The following BMERB1 variants were observed in gnomAD, a reference collection of about 807,000 sequenced individuals.
BMERB1 encodes bMERB domain-containing protein 1.
BMERB1 carries 12 observed loss-of-function variants against 23.6 expected under a neutral mutation model. The observed-to-expected ratio is 0.51, with a 90% CI of 0.33 to 0.82. BMERB1 has a LOEUF of 0.82. BMERB1 is among the 40% of genes least tolerant of loss of function. The pLI is 0.03. For synonymous variants in BMERB1, 122 were observed against 96.6 expected (o/e 1.26, Z -1.54); for missense variants, 247 against 255.4 (o/e 0.97, Z 0.22).
At chr16:15,487,081 GAT>G in intron 1 of BMERB1, among the ~76,000 whole-genome samples, 1 of 152,262 alleles carries the variant, frequency 6.6e-6, no homozygotes, top group Middle Eastern at 3.4e-3. Flanking sequence ...GAATTTCTAT[GAT>G]AATGGGAAAA....
chr16:15,563,870 A>G (rs1474084651), intron 2 of BMERB1, among the ~76,000 whole-genome samples: 6 of 152,212 alleles, frequency 3.9e-5, no homozygotes, highest in African/African-American at 1.4e-4. Context: ...ACACAGATCC[A>G]AACTACATCA....
intron 4 of BMERB1, among the ~76,000 whole-genome samples, chr16:15,582,372 G>T (rs1444087371): frequency 6.6e-6 from 1 of 152,202 alleles, no homozygotes; most frequent in Non-Finnish European, 1.5e-5. Context: ...ATGCACTCTA[G>T]CCTGGGTGAC....
chr16:15,539,841 C>CAA (rs377514039), intron 2 of BMERB1, among the ~76,000 whole-genome samples: 5 of 120,282 alleles, frequency 4.2e-5, no homozygotes, highest in African/African-American at 1.5e-4. Flanking sequence ...GATTCCGTCT[C>CAA]AAAAAAAAAA....
In BMERB1 at chr16:15,584,120, A is replaced by G; in HGVS notation, c.502+882A>G. The stretch of plus-strand genomic sequence containing the variant: ...AAGTTTGAGAAATGCTGTTTACTTG[A>G]CCCTGTATTTGGAGAGTCCCAGTGT... On this transcript the variant is annotated intron_variant, in intron 5 of 5. Transcript: ENST00000300006. 5 of 698,736 alleles carry G rather than the reference A, an allele frequency of 7.2e-6. No homozygotes were observed. The South Asian group carries it at 7.4e-5, about 10-fold the overall frequency. 43.3% of individuals were successfully genotyped at this position (698,736 alleles called of 1,614,324 possible). A position where few individuals can be genotyped will look rare whatever the true frequency, so the allele number is the denominator to read the frequency against.
intron 1 of BMERB1, among the ~76,000 whole-genome samples, chr16:15,466,170 C>A (rs2051178419): frequency 6.6e-6 from 1 of 152,220 alleles, no homozygotes; most frequent in Admixed American, 6.5e-5. Flanking sequence ...TGCTATCCAA[C>A]TGTGACTCTA....
chr16:15,520,990 TC>T (rs1401933153), intron 2 of BMERB1, among the ~76,000 whole-genome samples: 1 of 152,028 alleles, frequency 6.6e-6, no homozygotes, highest in East Asian at 1.9e-4. Context: ...TCCTTGCTCC[TC>T]CCGAGTTCCT....
In BMERB1 at chr16:15,488,922, A is replaced by T. The variant is rs962806104; in HGVS notation, c.107-26383A>T. ...ATATGCAAAAAAAAAAAAAAAAAAAAAGGAATGTACTAACCGGGGTTTCTA... is the reference window on the plus strand; with the variant it reads ...ATATGCAAAAAAAAAAAAAAAAAAATAGGAATGTACTAACCGGGGTTTCTA... On this transcript the variant is annotated intron_variant, in intron 1 of 5. Coordinates refer to ENST00000300006, the MANE Select transcript of BMERB1 (RefSeq NM_033201.3). Among the ~76,000 whole-genome samples the T allele has an allele frequency of 1.8e-3, 266 of 150,666 alleles. 2 individuals are homozygous for T. The highest frequency in any genetic ancestry group is 5.2e-3 in the Admixed American group (79 of 15,160).
At chr16:15,517,760 GTGTGTGGATGTGTGTGGATGTGGA>G (rs2051782460) in intron 2 of BMERB1, among the ~76,000 whole-genome samples, 1 of 147,746 alleles carries the variant, frequency 6.8e-6, no homozygotes, top group Admixed American at 6.6e-5. Context: ...TTGTGTGGAT[GTGTGTGGATGTGTGTGGATGTGGA>G]TGTGTGGATG....
At chr16:15,474,389 G>T (rs1567460260) in intron 1 of BMERB1, among the ~76,000 whole-genome samples, 1 of 152,048 alleles carries the variant, frequency 6.6e-6, no homozygotes, top group Non-Finnish European at 1.5e-5. Context: ...TTTTGAGACA[G>T]GGTCTCACTC....
chr16:15,563,498 T>C (rs1343543560), intron 2 of BMERB1, among the ~76,000 whole-genome samples: 1 of 151,906 alleles, frequency 6.6e-6, no homozygotes, highest in African/African-American at 2.4e-5. Flanking sequence ...GGATTACAGG[T>C]ATGAGCCACC....
chr16:15,550,239 C>G (rs993633453), intron 2 of BMERB1, among the ~76,000 whole-genome samples: 1 of 151,988 alleles, frequency 6.6e-6, no homozygotes, highest in African/African-American at 2.4e-5. Flanking sequence ...CGCGCCCGGC[C>G]CAAAAGCACT....
At chr16:15,472,442 G>A (rs939420791) in intron 1 of BMERB1, among the ~76,000 whole-genome samples, 1 of 152,130 alleles carries the variant, frequency 6.6e-6, no homozygotes, top group Non-Finnish European at 1.5e-5. Context: ...CTGTTGTTTG[G>A]TGCATACACA....
chr16:15,445,314 C>T (rs574009998), intron 1 of BMERB1, among the ~76,000 whole-genome samples: 20 of 151,194 alleles, frequency 1.3e-4, no homozygotes, highest in Non-Finnish European at 2.6e-4. Flanking sequence ...GAGGTCAGTA[C>T]ATGATACATG....
chr16:15,529,047 C>T (rs1023798757), intron 2 of BMERB1, among the ~76,000 whole-genome samples: 2 of 146,320 alleles, frequency 1.4e-5, no homozygotes, highest in South Asian at 2.2e-4. Context: ...GTTTGTTTGA[C>T]GGAGTCTAGC....
chr16:15,476,691 C>T (rs1454104382), intron 1 of BMERB1, among the ~76,000 whole-genome samples: 1 of 152,184 alleles, frequency 6.6e-6, no homozygotes, highest in Non-Finnish European at 1.5e-5. Context: ...TCACCTTGCA[C>T]CAGCTCATTA....
At chr16:15,496,823 C>T (rs917689107) in intron 1 of BMERB1, among the ~76,000 whole-genome samples, 10 of 152,176 alleles carry the variant, frequency 6.6e-5, no homozygotes, top group African/African-American at 2.4e-4. Flanking sequence ...CAGGCATGAG[C>T]CACTGTGCCA....
In BMERB1 at chr16:15,570,374, G is replaced by A. The variant is rs1163725677; in HGVS notation, c.304+2318G>A. 2.0e-5 allele frequency among the ~76,000 whole-genome samples: 3 copies of A among 152,174 alleles called. No individual in the cohort carries two copies. The East Asian group carries it at 5.8e-4, about 29-fold the overall frequency. On this transcript the variant is annotated intron_variant, in intron 3 of 5. Coordinates refer to ENST00000300006, the MANE Select transcript of BMERB1 (RefSeq NM_033201.3). ...GTGCAGCATGATGAGCCTTAGAGCAGCGTTTCCCAACCTTCAACTATTGAC... is the reference window on the plus strand; with the variant it reads ...GTGCAGCATGATGAGCCTTAGAGCAACGTTTCCCAACCTTCAACTATTGAC...
chr16:15,525,745 CAAATA>C (rs1373600070), intron 2 of BMERB1, among the ~76,000 whole-genome samples: 1 of 151,078 alleles, frequency 6.6e-6, no homozygotes, highest in Non-Finnish European at 1.5e-5. Flanking sequence ...AAAGAAAAAA[CAAATA>C]AAATAAATCT....
intron 1 of BMERB1, among the ~76,000 whole-genome samples, chr16:15,458,564 A>G (rs540776162): frequency 6.6e-6 from 1 of 151,874 alleles, no homozygotes; most frequent in African/African-American, 2.4e-5. Flanking sequence ...ACAATATGAA[A>G]AAATTAGCTG....
Sources: allele counts gnomAD v4.1 joint callset (sites outside exome capture counted in the v4.1 genomes callset), GRCh38; gene constraint gnomAD v4.1.1; transcripts MANE v1.5; gene names NCBI Gene and HGNC (gene_info 2026-07-23, HGNC 2026-07-21).